The following TBC1D31 variants were observed in gnomAD, a reference collection of about 807,000 sequenced individuals.
The protein encoded by TBC1D31 is WD repeat domain 67.
In TBC1D31, 99 loss-of-function variants were observed where a neutral mutation model predicts 132.9. That is an observed-to-expected ratio of 0.74 (90% CI 0.63 to 0.88). TBC1D31 has a LOEUF of 0.88. Ranked by LOEUF, TBC1D31 falls within the 40% of genes least tolerant of loss-of-function variation. The pLI, the probability that TBC1D31 is intolerant of heterozygous loss-of-function variation, is 0.00. For missense variants in TBC1D31, 1,134 were observed against 1,256.6 expected (o/e 0.90, Z 1.48); for synonymous variants, 385 against 419.4 (o/e 0.92, Z 1.00).
intron 14 of TBC1D31, 66 bp downstream of exon 14, chr8:123,128,579 A>C: frequency 7.8e-7 from 1 of 1,288,388 alleles, no homozygotes; most frequent in African/African-American, 1.5e-5. Flanking sequence ...AGAAAGTTTT[A>C]ATGAAAAATA....
rs200781696 is a variant in TBC1D31, at chr8:123,100,920, C to T, written c.945C>T (p.Ser315=). ...AAGGAATTAGCTCATCAGCAATTAG[C>T]CCACATGGACGGTACATTGCATCTA... ...LDEGISSSAI[S]PHGRYIASIM... Residue 315 remains serine (S), a synonymous_variant, in exon 7 of 22, where the codon AGC becomes AGT. Coordinates refer to ENST00000287380, the MANE Select transcript of TBC1D31 (RefSeq NM_145647.4). 161 of 1,613,752 alleles carry T rather than the reference C, an allele frequency of 1.0e-4. No individual in the cohort carries two copies. The highest frequency in any genetic ancestry group is 1.3e-4 in the Non-Finnish European group (154 of 1,179,868).
At chr8:123,087,505 A>G (rs7012815) in intron 4 of TBC1D31, among the ~76,000 whole-genome samples, 48,626 of 152,126 alleles carry the variant, frequency 0.32, 7,949 homozygotes, top group African/African-American at 0.38. Context: ...TAGGGATTTA[A>G]GCCAAATGTC....
At chr8:123,137,616 G>A (rs1032168590) in intron 17 of TBC1D31, among the ~76,000 whole-genome samples, 1 of 152,222 alleles carries the variant, frequency 6.6e-6, no homozygotes, top group Admixed American at 6.5e-5. Flanking sequence ...TTGGTATCCA[G>A]GGTTTTACTG....
At chr8:123,132,892 G>A (rs1215849129) in intron 16 of TBC1D31, among the ~76,000 whole-genome samples, 4 of 152,040 alleles carry the variant, frequency 2.6e-5, no homozygotes, top group South Asian at 4.1e-4. Flanking sequence ...TGTTCTTCCC[G>A]CAAAGTAAGC....
intron 17 of TBC1D31, among the ~76,000 whole-genome samples, chr8:123,134,449 C>T (rs879522906): frequency 6.6e-6 from 1 of 151,952 alleles, no homozygotes; most frequent in Admixed American, 6.6e-5. Context: ...ATCACTTGAG[C>T]CCTGGAGTTC....
In TBC1D31 at chr8:123,126,549, G is replaced by A; in HGVS notation, c.1746G>A (p.Val582=). The A allele has an allele frequency of 6.2e-7, 1 of 1,614,036 alleles. No individual in the cohort carries two copies. The highest frequency in any genetic ancestry group is 8.5e-7 in the Non-Finnish European group (1 of 1,180,002). The change falls in exon 13 of 22, where the codon GTG becomes GTA. Residue 582 remains valine, a synonymous_variant. Coordinates refer to ENST00000287380, the MANE Select transcript of TBC1D31 (RefSeq NM_145647.4). ...TTCTTGAAACTGTGTTCTCAGAAGT[G>A]CTGACAAGAGAGGAGTGGCTGAAAT... ...WPLLETVFSE[V]LTREEWLKLF...
chr8:123,127,520 G>T (rs1026260164), intron 13 of TBC1D31, among the ~76,000 whole-genome samples: 2 of 151,586 alleles, frequency 1.3e-5, no homozygotes, highest in African/African-American at 4.9e-5. Context: ...TGATCCACCT[G>T]CCTCGGCCTC....
downstream of TBC1D31, among the ~76,000 whole-genome samples, chr8:123,152,590 G>C (rs1209073436): frequency 2.0e-5 from 3 of 152,190 alleles, no homozygotes; most frequent in Non-Finnish European, 4.4e-5. Flanking sequence ...GATCAGGCAG[G>C]CCAGACGTGG....
Position 123,093,874 on chromosome 8 carries a change from G to T in TBC1D31, c.671+132G>T, listed in dbSNP as rs149176703. 3.0e-5 allele frequency: 17 copies of T among 566,822 alleles called. No homozygotes were observed. The East Asian group carries it at 5.0e-4, about 17-fold the overall frequency. 35.1% of individuals were successfully genotyped at this position (566,822 alleles called of 1,614,324 possible). A position where few individuals can be genotyped will look rare whatever the true frequency, so the allele number is the denominator to read the frequency against. On this transcript the variant is annotated intron_variant, in intron 5 of 21. Transcript: ENST00000287380. ...AAAAGTTACCTTCAAATTTAGATAT[G>T]ATCTGCTAACTTTTTTTATTTTGCA... is the stretch of plus-strand genomic sequence containing the variant.
At position 123,106,586 on chromosome 8, in the gene TBC1D31, C is replaced by G. The variant is rs141550977; in HGVS notation, c.1209+1122C>G. On this transcript the variant is annotated intron_variant, in intron 8 of 21. Coordinates refer to ENST00000287380, the MANE Select transcript of TBC1D31 (RefSeq NM_145647.4). Reference sequence around the variant, plus strand: ...TGTTATCTGAGGTTTCAGGCATCCACTGGGGATCTTGGAACATTTCCTCGT... The same window carrying G: ...TGTTATCTGAGGTTTCAGGCATCCAGTGGGGATCTTGGAACATTTCCTCGT... Among the ~76,000 whole-genome samples, 575 of 152,310 alleles carry G rather than the reference C, an allele frequency of 3.8e-3. 2 individuals carry two copies. Among genetic ancestry groups the G allele is most frequent in the African/African-American group, 0.013 (557 of 41,582 alleles).
intron 3 of TBC1D31, 72 bp downstream of exon 3, chr8:123,082,889 C>G: frequency 9.7e-7 from 1 of 1,034,998 alleles, no homozygotes; most frequent in Non-Finnish European, 1.4e-6. Context: ...AACTTTATCA[C>G]TCTGTACAGC....
intron 2 of TBC1D31, among the ~76,000 whole-genome samples, chr8:123,078,688 A>G (rs548919478): frequency 1.1e-4 from 16 of 152,320 alleles, no homozygotes; most frequent in African/African-American, 3.6e-4. Context: ...AATGTTCGGG[A>G]TGTGTCAAAA....
chr8:123,128,380 A>G lies in TBC1D31; in HGVS notation c.1984A>G (p.Met662Val), dbSNP rs1016311822. 1 of 1,613,442 alleles carries G rather than the reference A, an allele frequency of 6.2e-7. No individual in the cohort carries two copies. Among genetic ancestry groups the G allele is most frequent in the Non-Finnish European group, 8.5e-7 (1 of 1,179,396 alleles). ...GCCTACTGACATTCATCCAGACAGC[A>G]TGCTTAATGTTTTTGTTGCACTGAC... ...TTPTDIHPDS[M>V]LNVFVALTKG... Residue 662 changes from methionine to valine, a missense_variant, in exon 14 of 22, where the codon ATG becomes GTG. Physicochemically the swap from Met to Val is conservative, Grantham distance 21. Transcript: ENST00000287380.
intron 11 of TBC1D31, 118 bp downstream of exon 11, chr8:123,120,306 AGT>A: frequency 1.3e-6 from 1 of 773,236 alleles, no homozygotes; most frequent in African/African-American, 1.8e-5. Flanking sequence ...AAGTCACGAA[AGT>A]GTGAAACAAT....
intron 12 of TBC1D31, 54 bp from the exon 13 acceptor site, chr8:123,126,454 C>G: frequency 1.3e-6 from 2 of 1,483,850 alleles, no homozygotes; most frequent in Non-Finnish European, 1.8e-6. Flanking sequence ...TTACCAATGA[C>G]TCCCTTTTTA....
Position 123,144,851 on chromosome 8 carries a change from T to C in TBC1D31, c.2970T>C (p.His990=), listed in dbSNP as rs1487147371. The C allele has an allele frequency of 1.2e-6, 2 of 1,611,030 alleles. No homozygotes were observed. Among genetic ancestry groups the C allele is most frequent in the South Asian group, 1.1e-5 (1 of 89,996 alleles). The stretch of plus-strand genomic sequence containing the variant: ...TAGAACATGCTGAAAATCCATGTCA[T>C]AAAGGTGAGTGTCTGAGAGGCCTTT... ...AAVEHAENPC[H]KEEPRFQNEQ... is the part of the protein sequence containing the mutation. The change falls in exon 20 of 22, where the codon CAT becomes CAC. Residue 990 remains histidine, a synonymous_variant. Coordinates refer to ENST00000287380, the MANE Select transcript of TBC1D31 (RefSeq NM_145647.4).
chr8:123,156,749 T>A (rs1258363891), downstream of TBC1D31, among the ~76,000 whole-genome samples: 1 of 152,038 alleles, frequency 6.6e-6, no homozygotes. Context: ...CATTTCCGGA[T>A]AGGTTCAGTG....
the TBC1D31 span, among the ~76,000 whole-genome samples, chr8:123,161,511 A>C: frequency 6.6e-6 from 1 of 152,146 alleles, no homozygotes; most frequent in Non-Finnish European, 1.5e-5. Context: ...CCAAGTTCAA[A>C]CGATCACCGC....
At chr8:123,089,383 A>G (rs1816112668) in intron 4 of TBC1D31, among the ~76,000 whole-genome samples, 1 of 152,244 alleles carries the variant, frequency 6.6e-6, no homozygotes, top group Non-Finnish European at 1.5e-5. Flanking sequence ...CAATTTTACC[A>G]TCAAGCCTAT....
Sources: allele counts gnomAD v4.1 joint callset (sites outside exome capture counted in the v4.1 genomes callset), GRCh38; gene constraint gnomAD v4.1.1; transcripts MANE v1.5; gene names NCBI Gene and HGNC (gene_info 2026-07-23, HGNC 2026-07-21).